Variants in GRIN2A observed in about 807,000 individuals in gnomAD.
GRIN2A encodes the protein glutamate receptor ionotropic, NMDA 2A.
Under a neutral mutation model 113.4 loss-of-function variants are expected in GRIN2A, and 22 were observed. That is an observed-to-expected ratio of 0.19 (90% CI 0.14 to 0.28). The LOEUF is 0.28. Among genes scored for constraint, GRIN2A ranks in the 10% least tolerant of loss-of-function variants. GRIN2A has a pLI of 1.00. For synonymous variants in GRIN2A, 827 were observed against 738.4 expected (o/e 1.12, Z -1.94); for missense variants, 1,502 against 1,887.0 (o/e 0.80, Z 3.78).
Position 9,829,415 on chromosome 16 carries a change from G to C in GRIN2A, c.2007+8C>G. The C allele has an allele frequency of 6.3e-7, 1 of 1,589,234 alleles. No homozygotes were observed. The highest frequency in any genetic ancestry group is 8.6e-7 in the Non-Finnish European group (1 of 1,157,668). ...CCTCAGATGGAGAGGAAAGCAAGGT[G>C]ACCTTACCTTTTTGTCACTGAGGCC... On this transcript the variant is annotated splice_region_variant and intron_variant, in intron 9 of 12. Transcript: ENST00000330684.
intron 2 of GRIN2A, among the ~76,000 whole-genome samples, chr16:10,109,951 G>A (rs1288583210): frequency 6.6e-6 from 1 of 151,824 alleles, no homozygotes; most frequent in Non-Finnish European, 1.5e-5. Flanking sequence ...TGCACAATGT[G>A]CAGGTTAGTT....
intron 2 of GRIN2A, among the ~76,000 whole-genome samples, chr16:9,985,857 CAAAG>C (rs1176323998): frequency 6.6e-6 from 1 of 152,012 alleles, no homozygotes; most frequent in Non-Finnish European, 1.5e-5. Flanking sequence ...GATTGTAACA[CAAAG>C]AAAGGGTAAA....
chr16:10,028,251 C>T (rs2046858660), intron 2 of GRIN2A, among the ~76,000 whole-genome samples: 2 of 152,284 alleles, frequency 1.3e-5, no homozygotes, highest in South Asian at 4.2e-4. Flanking sequence ...GTTAAATTCC[C>T]CCAAGTTTCA....
intron 4 of GRIN2A, among the ~76,000 whole-genome samples, chr16:9,857,898 T>C (rs367919533): frequency 1.1e-4 from 17 of 152,380 alleles, no homozygotes; most frequent in Middle Eastern, 3.4e-3. Flanking sequence ...GTCAGTAGTT[T>C]TAGCCATAAA....
In GRIN2A at chr16:9,760,053, A is replaced by T. The variant is rs1329929891; in HGVS notation, c.*3096T>A. 1 of 229,240 alleles carries T rather than the reference A, an allele frequency of 4.4e-6. No individual in the cohort carries two copies. The highest frequency in any genetic ancestry group is 8.7e-6 in the Non-Finnish European group (1 of 115,592). The allele number at this position is 229,240 out of a possible 1,614,324, so 14.2% of individuals were successfully genotyped here. The stretch of plus-strand genomic sequence containing the variant: ...CAAGTGGGGAAAACCAATTAGAATT[A>T]ACAAAATATCATTATGGATGCCAGC... On this transcript the variant is annotated 3_prime_UTR_variant, in exon 13 of 13. Coordinates refer to ENST00000330684, the MANE Select transcript of GRIN2A (RefSeq NM_001134407.3).
chr16:9,771,610 T>G (rs1234942889), intron 11 of GRIN2A, among the ~76,000 whole-genome samples: 2 of 150,982 alleles, frequency 1.3e-5, no homozygotes, highest in Admixed American at 6.6e-5. Context: ...CTGTGTGTTC[T>G]GACTCTCATG....
At chr16:9,942,891 A>G (rs2044918658) in intron 2 of GRIN2A, among the ~76,000 whole-genome samples, 1 of 152,074 alleles carries the variant, frequency 6.6e-6, no homozygotes, top group South Asian at 2.1e-4. Context: ...AGCATCATCT[A>G]CCCCTTGGAG....
At chr16:10,074,424 G>C (rs1356492761) in intron 2 of GRIN2A, among the ~76,000 whole-genome samples, 3 of 152,268 alleles carry the variant, frequency 2.0e-5, no homozygotes, top group African/African-American at 7.2e-5. Flanking sequence ...ACAATAACTT[G>C]TATGTAAGTG....
rs147091599 is a variant in GRIN2A at position 10,164,439 on chromosome 16, A to G, written c.414+15559T>C. On this transcript the variant is annotated intron_variant, in intron 2 of 12. Coordinates refer to ENST00000330684, the MANE Select transcript of GRIN2A (RefSeq NM_001134407.3). ...AGAAAGGAACAAACAAGGGCTTCCCATCCCTACCGTTCCCCACAAAGCCTG... is the reference window on the plus strand; with the variant it reads ...AGAAAGGAACAAACAAGGGCTTCCCGTCCCTACCGTTCCCCACAAAGCCTG... 2.2e-3 allele frequency among the ~76,000 whole-genome samples: 330 copies of G among 152,354 alleles called. 2 individuals carry two copies. Among genetic ancestry groups the G allele is most frequent in the African/African-American group, 7.6e-3 (316 of 41,584 alleles).
intron 2 of GRIN2A, among the ~76,000 whole-genome samples, chr16:10,035,995 AT>A (rs2047018537): frequency 1.3e-5 from 2 of 152,184 alleles, no homozygotes; most frequent in African/African-American, 4.8e-5. Context: ...AAGTGGTGGG[AT>A]TACAGGCGTA....
At chr16:9,831,962 A>T (rs916988048) in intron 8 of GRIN2A, among the ~76,000 whole-genome samples, 11 of 152,040 alleles carry the variant, frequency 7.2e-5, no homozygotes, top group African/African-American at 2.7e-4. Flanking sequence ...TGCTCTGCTG[A>T]CTAGGCAGTG....
intron 10 of GRIN2A, among the ~76,000 whole-genome samples, chr16:9,804,890 G>T (rs2041934971): frequency 6.6e-6 from 1 of 152,188 alleles, no homozygotes; most frequent in African/African-American, 2.4e-5. Context: ...ACAAGAGGGG[G>T]AAATAAGACC....
Position 9,857,085 on chromosome 16 carries a change from A to G in GRIN2A, c.1123-7124T>C, listed in dbSNP as rs562373294. ...TAAGAAAACTATCAGAAAAATTCCA[A>G]TGTAGGGGTATTCTAGAAGATATCT... On this transcript the variant is annotated intron_variant, in intron 4 of 12. Transcript: ENST00000330684. Among the ~76,000 whole-genome samples the G allele has an allele frequency of 9.7e-4, 147 of 152,248 alleles. 1 individual carries two copies. The highest frequency in any genetic ancestry group is 3.1e-3 in the African/African-American group (130 of 41,552).
intron 2 of GRIN2A, among the ~76,000 whole-genome samples, chr16:10,055,084 AAG>A (rs1567266423): frequency 3.7e-4 from 26 of 70,762 alleles, no homozygotes; most frequent in East Asian, 8.9e-4. Flanking sequence ...AAAAAAAAAA[AAG>A]AAAAAAGAAA....
intron 3 of GRIN2A, among the ~76,000 whole-genome samples, chr16:9,928,683 C>T (rs2044521846): frequency 6.6e-6 from 1 of 152,108 alleles, no homozygotes; most frequent in Non-Finnish European, 1.5e-5. Flanking sequence ...AAAGCCCCAT[C>T]ACCTCCTCAT....
chr16:9,859,521 C>T (rs748945009), intron 4 of GRIN2A, among the ~76,000 whole-genome samples: 11 of 151,700 alleles, frequency 7.3e-5, no homozygotes, highest in South Asian at 4.2e-4. Context: ...TGCCTACCCA[C>T]GCTCACATTA....
chr16:10,157,952 C>A (rs1352997138), intron 2 of GRIN2A, among the ~76,000 whole-genome samples: 1 of 152,122 alleles, frequency 6.6e-6, no homozygotes, highest in Non-Finnish European at 1.5e-5. Context: ...AACTGGTTTT[C>A]ATTATTGGCA....
intron 2 of GRIN2A, among the ~76,000 whole-genome samples, chr16:10,066,547 C>T (rs8062225): frequency 0.031 from 4,696 of 152,240 alleles, 260 homozygotes; most frequent in African/African-American, 0.11. Context: ...ATGTTCCTCA[C>T]TGAGTAAGAC....
chr16:10,166,549 A>G (rs1464276631), intron 2 of GRIN2A, among the ~76,000 whole-genome samples: 1 of 152,190 alleles, frequency 6.6e-6, no homozygotes, highest in African/African-American at 2.4e-5. Context: ...AGACCTGTGG[A>G]TGAAGCTGTC....
Sources: gnomAD v4.1 joint callset for allele counts (sites outside exome capture counted in the v4.1 genomes callset) on GRCh38, gnomAD v4.1.1 for gene constraint, MANE v1.5 for transcripts, NCBI Gene and HGNC (gene_info 2026-07-23, HGNC 2026-07-21) for gene names.